Variants in PAK5 observed in about 807,000 individuals in gnomAD.
The protein encoded by PAK5 is p21 (RAC1) activated kinase 5.
In PAK5, 16 loss-of-function variants were observed where a neutral mutation model predicts 65.9. The observed-to-expected ratio is 0.24, with a 90% CI of 0.16 to 0.37. The LOEUF is 0.37. Ranked by LOEUF, PAK5 falls within the 10% of genes least tolerant of loss-of-function variation. The probability of loss-of-function intolerance (pLI) is 1.00; values close to 1 mark genes in which losing one functional copy is unlikely to be tolerated. For missense variants in PAK5, 785 were observed against 903.9 expected (o/e 0.87, Z 1.69); for synonymous variants, 371 against 354.9 (o/e 1.05, Z -0.51).
chr20:9,618,914 C>CTTTTTTTTTTTTT (rs2046714022), intron 3 of PAK5, among the ~76,000 whole-genome samples: 2 of 21,854 alleles, frequency 9.2e-5, no homozygotes, highest in Admixed American at 5.9e-4. Flanking sequence ...CTCTTTCTTT[C>CTTTTTTTTTTTTT]GTTTTTTTTT....
intron 4 of PAK5, among the ~76,000 whole-genome samples, chr20:9,575,206 G>GT (rs1035346763): frequency 5.3e-5 from 8 of 151,984 alleles, no homozygotes; most frequent in African/African-American, 9.7e-5. Flanking sequence ...GTTTTGTTTT[G>GT]TTTTTTTAGA....
At chr20:9,614,382 G>A (rs577448163) in intron 3 of PAK5, among the ~76,000 whole-genome samples, 24 of 152,236 alleles carry the variant, frequency 1.6e-4, no homozygotes, top group Admixed American at 1.3e-3. Context: ...TGTTTAATAG[G>A]AATACCAAAA....
rs183121471 is a variant in PAK5, at chr20:9,703,569, A to G, written c.-12+7717T>C. On this transcript the variant is annotated intron_variant, in intron 2 of 9. Transcript: ENST00000353224. ...TAAGTGAAAATGCTACATAAACTGT[A>G]TGCTTTTTGCAAGTGTTGTGGTTCT... Among the ~76,000 whole-genome samples, 308 of 152,222 alleles carry G rather than the reference A, an allele frequency of 2.0e-3. 5 individuals carry two copies. Among genetic ancestry groups the G allele is most frequent in the Admixed American group, 0.014 (207 of 15,282 alleles).
chr20:9,614,515 C>A (rs2046620097), intron 3 of PAK5, among the ~76,000 whole-genome samples: 2 of 152,074 alleles, frequency 1.3e-5, no homozygotes, highest in African/African-American at 4.8e-5. Context: ...CAAAATTAAG[C>A]CTAGCCACAT....
intron 1 of PAK5, among the ~76,000 whole-genome samples, chr20:9,771,867 A>G (rs1022652100): frequency 3.9e-5 from 6 of 152,028 alleles, no homozygotes; most frequent in Non-Finnish European, 5.9e-5. Context: ...GCAAAACTCT[A>G]TCTCCACAAA....
chr20:9,794,331 C>T (rs1045862659), intron 1 of PAK5, among the ~76,000 whole-genome samples: 3 of 151,728 alleles, frequency 2.0e-5, no homozygotes, highest in African/African-American at 2.4e-5. Context: ...TAGCTCAGAA[C>T]TTAAAGAAAA....
intron 5 of PAK5, among the ~76,000 whole-genome samples, 182 bp from the exon 6 acceptor site, chr20:9,563,206 G>GA (rs1281405880): frequency 6.6e-6 from 1 of 152,114 alleles, no homozygotes; most frequent in Non-Finnish European, 1.5e-5. Flanking sequence ...AAGGAATCAA[G>GA]GTAGCAAATT....
At chr20:9,724,170 C>A (rs2048249352) in intron 1 of PAK5, among the ~76,000 whole-genome samples, 1 of 152,180 alleles carries the variant, frequency 6.6e-6, no homozygotes, top group Non-Finnish European at 1.5e-5. Context: ...AAAGGCCCAG[C>A]TTGGCTGATC....
intron 1 of PAK5, among the ~76,000 whole-genome samples, chr20:9,820,818 G>A (rs2049411363): frequency 6.6e-6 from 1 of 151,786 alleles, no homozygotes; most frequent in Non-Finnish European, 1.5e-5. Flanking sequence ...GAACTGAATG[G>A]GGAGCCCTGA....
intron 1 of PAK5, among the ~76,000 whole-genome samples, chr20:9,779,679 T>C (rs868463261): frequency 1.3e-5 from 2 of 152,012 alleles, no homozygotes; most frequent in South Asian, 2.1e-4. Flanking sequence ...ATTATGTTTA[T>C]ACTATATTTA....
At position 9,801,946 on chromosome 20, in the gene PAK5, CAG is replaced by C. The variant is rs762746088; in HGVS notation, c.-162+36814_-162+36815del. ...ATGGGGACTAAAACAAGGAAGCAAA[CAG>C]AGCCAATACAAAAATGCTTTATGGT... On this transcript the variant is annotated intron_variant, in intron 1 of 9. Coordinates refer to ENST00000353224, the MANE Select transcript of PAK5 (RefSeq NM_177990.4). Among the ~76,000 whole-genome samples, 121 of 152,202 alleles carry C rather than the reference CAG, an allele frequency of 7.9e-4. 1 individual carries two copies. In the Middle Eastern group the frequency reaches 0.02, roughly 26 times the overall value.
chr20:9,824,296 A>G (rs956906906), intron 1 of PAK5, among the ~76,000 whole-genome samples: 3 of 152,236 alleles, frequency 2.0e-5, no homozygotes, highest in Non-Finnish European at 4.4e-5. Context: ...GCTTATGCCT[A>G]TAATTCCAGC....
At chr20:9,613,849 C>A (rs1045283474) in intron 3 of PAK5, among the ~76,000 whole-genome samples, 2 of 152,146 alleles carry the variant, frequency 1.3e-5, no homozygotes, top group Non-Finnish European at 2.9e-5. Context: ...CACACTGAGT[C>A]CTAATCACAG....
chr20:9,714,083 C>T (rs1237594700), intron 1 of PAK5, among the ~76,000 whole-genome samples: 1 of 152,058 alleles, frequency 6.6e-6, no homozygotes, highest in South Asian at 2.1e-4. Context: ...ACTTTATTTT[C>T]ACATTGTATA....
intron 1 of PAK5, among the ~76,000 whole-genome samples, chr20:9,730,070 C>T (rs947024566): frequency 1.4e-5 from 2 of 144,458 alleles, no homozygotes; most frequent in African/African-American, 5.1e-5. Flanking sequence ...TAGAATTTTT[C>T]AAACAAATGC....
chr20:9,738,277 C>T (rs2048413431), intron 1 of PAK5, among the ~76,000 whole-genome samples: 1 of 152,248 alleles, frequency 6.6e-6, no homozygotes, highest in African/African-American at 2.4e-5. Context: ...TAATGTTAAA[C>T]ATATGCCTAC....
chr20:9,645,779 G>C (rs1012206902), intron 2 of PAK5, among the ~76,000 whole-genome samples: 2 of 152,038 alleles, frequency 1.3e-5, no homozygotes, highest in African/African-American at 4.8e-5. Context: ...GTAGAGATGG[G>C]GTTTCACCGT....
intron 1 of PAK5, among the ~76,000 whole-genome samples, chr20:9,815,876 T>C (rs574878341): frequency 2.1e-4 from 32 of 152,262 alleles, no homozygotes; most frequent in African/African-American, 6.7e-4. Flanking sequence ...GCCCCTTCTC[T>C]AGTGTTCCCT....
At chr20:9,697,973 A>G (rs1285963396) in intron 2 of PAK5, among the ~76,000 whole-genome samples, 1 of 152,100 alleles carries the variant, frequency 6.6e-6, no homozygotes, top group Non-Finnish European at 1.5e-5. Flanking sequence ...GCTAATTGAC[A>G]TTAGCCCATG....
Sources: allele counts gnomAD v4.1 joint callset (sites outside exome capture counted in the v4.1 genomes callset), GRCh38; gene constraint gnomAD v4.1.1; transcripts MANE v1.5; gene names NCBI Gene and HGNC (gene_info 2026-07-23, HGNC 2026-07-21).